The following TMEM135 variants were observed in gnomAD, a reference collection of about 807,000 sequenced individuals.
TMEM135 encodes the protein peroxisomal membrane protein 52.
A neutral mutation model predicts 60.3 loss-of-function variants in TMEM135; 30 were observed. The observed-to-expected ratio is 0.50, with a 90% CI of 0.37 to 0.68. TMEM135 has a LOEUF of 0.68. TMEM135 is among the 30% of genes least tolerant of loss of function. TMEM135 has a pLI of 0.00. For synonymous variants in TMEM135, 190 were observed against 186.7 expected (o/e 1.02, Z -0.14); for missense variants, 468 against 548.8 (o/e 0.85, Z 1.47).
chr11:87,287,947 G>C (rs1229170420), intron 6 of TMEM135, among the ~76,000 whole-genome samples: 1 of 152,116 alleles, frequency 6.6e-6, no homozygotes, highest in Non-Finnish European at 1.5e-5. Context: ...GTTCCTAAAT[G>C]ATCAAGAATT....
intron 5 of TMEM135, among the ~76,000 whole-genome samples, chr11:87,212,434 T>G (rs945711729): frequency 2.0e-5 from 3 of 152,178 alleles, no homozygotes; most frequent in Non-Finnish European, 1.5e-5. Context: ...CTTTGTAAAT[T>G]ACAGAAGGTA....
intron 7 of TMEM135, among the ~76,000 whole-genome samples, chr11:87,296,156 T>C (rs1425418644): frequency 1.3e-5 from 2 of 152,152 alleles, no homozygotes; most frequent in African/African-American, 4.8e-5. Flanking sequence ...TTTAATTGTG[T>C]GGTACTAGAT....
intron 5 of TMEM135, among the ~76,000 whole-genome samples, chr11:87,229,832 A>G (rs1230962223): frequency 6.6e-6 from 1 of 152,146 alleles, no homozygotes; most frequent in Non-Finnish European, 1.5e-5. Flanking sequence ...TAAAAGTCCA[A>G]AAGTCTTAGA....
At chr11:87,275,411 A>G (rs1941950249) in intron 6 of TMEM135, among the ~76,000 whole-genome samples, 1 of 152,108 alleles carries the variant, frequency 6.6e-6, no homozygotes, top group African/African-American at 2.4e-5. Context: ...TTGGGTGACC[A>G]TATGTTCTAA....
intron 7 of TMEM135, among the ~76,000 whole-genome samples, chr11:87,296,489 A>G (rs1412357557): frequency 6.6e-6 from 1 of 152,200 alleles, no homozygotes; most frequent in Non-Finnish European, 1.5e-5. Flanking sequence ...TCTAGTTTAT[A>G]TCATAAATGT....
chr11:87,166,201 A>G (rs1939041461), intron 5 of TMEM135, among the ~76,000 whole-genome samples: 1 of 151,654 alleles, frequency 6.6e-6, no homozygotes, highest in South Asian at 2.1e-4. Context: ...TTATTTAAGT[A>G]TTAGCCCCTT....
chr11:87,267,742 G>A (rs1941778704), intron 6 of TMEM135, among the ~76,000 whole-genome samples: 1 of 151,852 alleles, frequency 6.6e-6, no homozygotes. Context: ...GCCCAGGCTG[G>A]AGTGCAGTGG....
At chr11:87,257,181 A>G (rs117347723) in intron 6 of TMEM135, among the ~76,000 whole-genome samples, 1 of 152,156 alleles carries the variant, frequency 6.6e-6, no homozygotes, top group Non-Finnish European at 1.5e-5. Flanking sequence ...TTTAAGGAGC[A>G]TTATTACTAA....
chr11:87,163,309 T>C (rs1185597924), intron 5 of TMEM135, among the ~76,000 whole-genome samples: 1 of 145,006 alleles, frequency 6.9e-6, no homozygotes, highest in Non-Finnish European at 1.5e-5. Context: ...GTTCTTGCGA[T>C]AGTTTACTGA....
intron 10 of TMEM135, 49 bp from the exon 11 acceptor site, chr11:87,313,376 A>T (rs754323767): frequency 2.7e-6 from 4 of 1,481,988 alleles, no homozygotes; most frequent in African/African-American, 1.4e-5. Flanking sequence ...TTATGCTTTT[A>T]TTTCTAGAAA....
intron 4 of TMEM135, among the ~76,000 whole-genome samples, chr11:87,132,472 C>T (rs562150469): frequency 2.0e-4 from 31 of 152,182 alleles, no homozygotes; most frequent in Non-Finnish European, 3.4e-4. Context: ...ATATAAGTGG[C>T]TTTACTATTG....
intron 1 of TMEM135, among the ~76,000 whole-genome samples, chr11:87,054,242 C>T (rs1347649958): frequency 6.6e-6 from 1 of 152,142 alleles, no homozygotes; most frequent in Admixed American, 6.6e-5. Context: ...CGAGACCAGC[C>T]TGGCCAACAT....
chr11:87,241,260 T>A (rs529720), intron 6 of TMEM135, among the ~76,000 whole-genome samples: 100,137 of 151,926 alleles, frequency 0.66, 33,585 homozygotes, highest in Non-Finnish European at 0.71. Context: ...TTTAGAAGCA[T>A]ATAAAAAACT....
intron 3 of TMEM135, among the ~76,000 whole-genome samples, chr11:87,088,483 A>G (rs1173715805): frequency 6.6e-6 from 1 of 152,234 alleles, no homozygotes; most frequent in Non-Finnish European, 1.5e-5. Context: ...ATAGGAGTAT[A>G]CCTTACTCAA....
intron 6 of TMEM135, among the ~76,000 whole-genome samples, chr11:87,264,160 C>T (rs1177967949): frequency 6.6e-6 from 1 of 151,648 alleles, no homozygotes; most frequent in East Asian, 1.9e-4. Context: ...TTTTGAAATT[C>T]CTTTATTGTG....
chr11:87,187,466 G>A (rs1160327947), intron 5 of TMEM135, among the ~76,000 whole-genome samples: 4 of 152,148 alleles, frequency 2.6e-5, no homozygotes, highest in South Asian at 2.1e-4. Flanking sequence ...TATTGAACTC[G>A]ATATAACCCT....
intron 6 of TMEM135, among the ~76,000 whole-genome samples, chr11:87,274,277 T>TTG (rs1457682725): frequency 7.7e-6 from 1 of 129,178 alleles, no homozygotes; most frequent in East Asian, 1.9e-4. Flanking sequence ...CAAAGCTAAA[T>TTG]TGGTAACTTA....
At chr11:87,240,814 G>T (rs1941116295) in intron 6 of TMEM135, among the ~76,000 whole-genome samples, 1 of 152,060 alleles carries the variant, frequency 6.6e-6, no homozygotes, top group South Asian at 2.1e-4. Context: ...AACCTAGTAA[G>T]TACCAGCTAG....
At chr11:87,238,118 A>G (rs1187184040) in intron 6 of TMEM135, among the ~76,000 whole-genome samples, 3 of 151,928 alleles carry the variant, frequency 2.0e-5, no homozygotes, top group African/African-American at 7.2e-5. Flanking sequence ...CAGTGCTGCA[A>G]CAAACATGGG....
Sources: allele counts gnomAD v4.1 joint callset (sites outside exome capture counted in the v4.1 genomes callset), GRCh38; gene constraint gnomAD v4.1.1; transcripts MANE v1.5; gene names NCBI Gene and HGNC (gene_info 2026-07-23, HGNC 2026-07-21).